The following ZC3HAV1 variants were observed in gnomAD, a reference collection of about 807,000 sequenced individuals.
ZC3HAV1 encodes the protein zinc finger CCCH-type containing, antiviral 1.
In ZC3HAV1, 41 loss-of-function variants were observed where a neutral mutation model predicts 86.6. The ratio of observed to expected loss-of-function variants is 0.47; its 90% confidence interval spans 0.37 to 0.61. The LOEUF (loss-of-function observed/expected upper bound fraction) is 0.61. Among genes scored for constraint, ZC3HAV1 ranks in the 20% least tolerant of loss-of-function variants. ZC3HAV1 has a pLI of 0.00. For missense variants in ZC3HAV1, 964 were observed against 1,141.1 expected (o/e 0.84, Z 2.24); for synonymous variants, 421 against 432.1 (o/e 0.97, Z 0.32).
Position 139,055,223 on chromosome 7 carries a change from T to G in ZC3HAV1, c.2169A>C (p.Leu723=). The stretch of plus-strand genomic sequence containing the variant: ...CAAGTACCTTATATTTCTTTGAGGA[T>G]AGGAAGCAAAAGTCCTCCTGAGGAC... ...TFRPQEDFCF[L]SSKKYKLSEI... The change falls in exon 10 of 13, where the codon CTA becomes CTC. Residue 723 remains leucine, a synonymous_variant. Transcript: ENST00000242351. 6.2e-7 allele frequency: 1 copy of G among 1,613,072 alleles called. No homozygotes were observed. The highest frequency in any genetic ancestry group is 8.5e-7 in the Non-Finnish European group (1 of 1,179,418).
chr7:139,086,742 C>T (rs1584864000), intron 2 of ZC3HAV1, among the ~76,000 whole-genome samples: 1 of 152,178 alleles, frequency 6.6e-6, no homozygotes, highest in East Asian at 1.9e-4. Context: ...TACTCCCATT[C>T]TACTGTTCTC....
At position 139,075,459 on chromosome 7, in the gene ZC3HAV1, G is replaced by C. The variant is rs548438076; in HGVS notation, c.1697+827C>G. Among the ~76,000 whole-genome samples the C allele has an allele frequency of 2.0e-5, 3 of 152,240 alleles. No individual in the cohort carries two copies. The East Asian group carries it at 5.8e-4, about 29-fold the overall frequency. The stretch of plus-strand genomic sequence containing the variant: ...TTTACTTATTTATTTTTGAGACAGG[G>C]TCTCACTCTGTCACCCAGGCTGGAG... On this transcript the variant is annotated intron_variant, in intron 6 of 12. Transcript: ENST00000242351.
At chr7:139,081,563 A>G (rs1411908463) in intron 3 of ZC3HAV1, among the ~76,000 whole-genome samples, 2 of 152,134 alleles carry the variant, frequency 1.3e-5, no homozygotes, top group Non-Finnish European at 2.9e-5. Context: ...CAGAACATGC[A>G]CTCTGCTACT....
Position 139,079,939 on chromosome 7 carries a change from G to T in ZC3HAV1, c.1002C>A (p.Gly334=). The T allele has an allele frequency of 6.2e-7, 1 of 1,614,202 alleles. No individual in the cohort carries two copies. Among genetic ancestry groups the T allele is most frequent in the Non-Finnish European group, 8.5e-7 (1 of 1,180,036 alleles). ...AGTSQRFLEN[G]SQEDLLHGNP... Reference sequence around the variant, plus strand: ...TTCCATGCAAGAGGTCCTCTTGACTGCCGTTCTCTAAAAACCTCTGGCTTG... The same window carrying T: ...TTCCATGCAAGAGGTCCTCTTGACTTCCGTTCTCTAAAAACCTCTGGCTTG... The change falls in exon 4 of 13, where the codon GGC becomes GGA. Residue 334 remains glycine, a synonymous_variant. Coordinates refer to ENST00000242351, the MANE Select transcript of ZC3HAV1 (RefSeq NM_020119.4).
intron 3 of ZC3HAV1, among the ~76,000 whole-genome samples, chr7:139,081,519 T>A (rs1817128367): frequency 6.6e-6 from 1 of 152,208 alleles, no homozygotes; most frequent in South Asian, 2.1e-4. Flanking sequence ...CAGAGGGAAC[T>A]GTAGTGAGAG....
chr7:139,097,990 G>T (rs2130731759), intron 1 of ZC3HAV1, among the ~76,000 whole-genome samples: 1 of 151,932 alleles, frequency 6.6e-6, no homozygotes, highest in Non-Finnish European at 1.5e-5. Context: ...TGTCGCCCAG[G>T]TTGGAGGGCA....
In ZC3HAV1 at chr7:139,053,960, C is replaced by T; in HGVS notation, c.2318+5G>A. The stretch of plus-strand genomic sequence containing the variant: ...GTAAAGAAACACGATAACGTGGCCA[C>T]CAACCATGTAAATTTATCCAGGAGC... On this transcript the variant is annotated splice_donor_5th_base_variant and intron_variant, in intron 11 of 12. Coordinates refer to ENST00000242351, the MANE Select transcript of ZC3HAV1 (RefSeq NM_020119.4). The T allele has an allele frequency of 2.5e-6, 4 of 1,602,942 alleles. No homozygotes were observed. The highest frequency in any genetic ancestry group is 3.4e-6 in the Non-Finnish European group (4 of 1,177,454).
chr7:139,089,656 G>A lies in ZC3HAV1; in HGVS notation c.412C>T (p.Leu138Phe), dbSNP rs940302061. Residue 138 changes from leucine to phenylalanine, a missense_variant, in exon 2 of 13, where the codon CTC (leucine) becomes TTC (phenylalanine). Physicochemically the swap from Leu to Phe is conservative, Grantham distance 22 (BLOSUM62 0). Transcript: ENST00000242351. ...ATAAAAAAAGGATCACTTTGGAGGA[G>A]GAGCACTGCTAATTCCTCTTTGTTC... ...GLNKEELAVL[L>F]LQSDPFFMPE... is the part of the protein sequence containing the mutation. 1.2e-6 allele frequency: 2 copies of A among 1,611,702 alleles called. No individual in the cohort carries two copies. Among genetic ancestry groups the A allele is most frequent in the Admixed American group, 3.4e-5 (2 of 59,610 alleles).
intron 9 of ZC3HAV1, among the ~76,000 whole-genome samples, chr7:139,058,313 G>T (rs1415341332): frequency 6.6e-6 from 1 of 151,916 alleles, no homozygotes; most frequent in Non-Finnish European, 1.5e-5. Flanking sequence ...AATTAGTCAG[G>T]TGTAGCGGTG....
chr7:139,083,994 A>G lies in ZC3HAV1; in HGVS notation c.483T>C (p.Ile161=). The G allele has an allele frequency of 6.2e-7, 1 of 1,614,080 alleles. No individual in the cohort carries two copies. Among genetic ancestry groups the G allele is most frequent in the Non-Finnish European group, 8.5e-7 (1 of 1,180,014 alleles). Residue 161 remains isoleucine (I), a synonymous_variant, in exon 3 of 13, where the codon ATT becomes ATC. Coordinates refer to ENST00000242351, the MANE Select transcript of ZC3HAV1 (RefSeq NM_020119.4). ...KSYKGEGRQQ[I]CNQQPPCSRL... is the part of the protein sequence containing the mutation. ...TTGAACACGGTGGCTGCTGGTTACA[A>G]ATCTGCTGCCGACCCTCTCCCTTAT...
Position 139,108,388 on chromosome 7 carries a change from C to A in ZC3HAV1, c.308+636G>T, listed in dbSNP as rs559701104. On this transcript the variant is annotated intron_variant, in intron 1 of 12. Coordinates refer to ENST00000242351, the MANE Select transcript of ZC3HAV1 (RefSeq NM_020119.4). This position sits in a 1 kb window ranked among gnomAD's most constrained non-coding sequence, Gnocchi z 4.2. ...GCAGGCGGTCAACTGCGCGCGCCAC[C>A]GTAGAGAGACCACCCGGAGGGAAGG... Among the ~76,000 whole-genome samples the A allele has an allele frequency of 6.6e-6, 1 of 152,212 alleles. No individual in the cohort carries two copies. Among genetic ancestry groups the A allele is most frequent in the African/African-American group, 2.4e-5 (1 of 41,530 alleles).
intron 7 of ZC3HAV1, among the ~76,000 whole-genome samples, chr7:139,069,578 C>T (rs950071972): frequency 6.6e-6 from 1 of 152,204 alleles, no homozygotes; most frequent in Admixed American, 6.5e-5. Flanking sequence ...CCTGCTATCA[C>T]TCTACCCTAC....
intron 6 of ZC3HAV1, 150 bp downstream of exon 6, chr7:139,076,136 C>A: frequency 7.8e-7 from 1 of 1,286,394 alleles, no homozygotes; most frequent in Non-Finnish European, 1.1e-6. Flanking sequence ...ACTCGGCAGG[C>A]ATTTGCCATT....
At chr7:139,102,442 A>T (rs1407528495) in intron 1 of ZC3HAV1, among the ~76,000 whole-genome samples, 1 of 152,192 alleles carries the variant, frequency 6.6e-6, no homozygotes, top group Non-Finnish European at 1.5e-5. Flanking sequence ...AATTTTAATA[A>T]TAAGAAGATC....
chr7:139,057,181 C>T (rs979463908), intron 9 of ZC3HAV1, among the ~76,000 whole-genome samples: 1 of 152,002 alleles, frequency 6.6e-6, no homozygotes, highest in African/African-American at 2.4e-5. Context: ...GGATCCCCCT[C>T]CCCATCTCTA....
At chr7:139,079,129 T>C (rs774401129) in intron 4 of ZC3HAV1, 56 of 1,536,164 alleles carry the variant, frequency 3.6e-5, no homozygotes, top group Non-Finnish European at 4.7e-5. Flanking sequence ...TTGTCTTCCT[T>C]GTGAGCTCGC....
At chr7:139,071,243 C>T (rs958118793) in intron 7 of ZC3HAV1, among the ~76,000 whole-genome samples, 2 of 151,744 alleles carry the variant, frequency 1.3e-5, no homozygotes, top group Non-Finnish European at 1.5e-5. Flanking sequence ...ATTACAGGTG[C>T]ACGCCACCAA....
chr7:139,076,418 A>G lies in ZC3HAV1; in HGVS notation c.1574-9T>C. On this transcript the variant is annotated splice_polypyrimidine_tract_variant and intron_variant, in intron 5 of 12. Coordinates refer to ENST00000242351, the MANE Select transcript of ZC3HAV1 (RefSeq NM_020119.4). Reference sequence around the variant, plus strand: ...GACTTTGCTGCAGCTACCTACAAAGACAAAGAAGGGGTCTGAGGGACTGTT... The same window carrying G: ...GACTTTGCTGCAGCTACCTACAAAGGCAAAGAAGGGGTCTGAGGGACTGTT... 1 of 1,613,900 alleles carries G rather than the reference A, an allele frequency of 6.2e-7. No homozygotes were observed. Among genetic ancestry groups the G allele is most frequent in the Non-Finnish European group, 8.5e-7 (1 of 1,179,928 alleles).
intron 7 of ZC3HAV1, among the ~76,000 whole-genome samples, chr7:139,065,547 G>C (rs749552494): frequency 3.9e-5 from 6 of 152,106 alleles, no homozygotes; most frequent in Non-Finnish European, 8.8e-5. Context: ...AAAATTGGCC[G>C]AGCCTCCTGC....
Sources: allele counts gnomAD v4.1 joint callset (sites outside exome capture counted in the v4.1 genomes callset), GRCh38; gene constraint gnomAD v4.1.1; non-coding constraint Gnocchi (gnomAD v3.1); transcripts MANE v1.5; gene names NCBI Gene and HGNC (gene_info 2026-07-23, HGNC 2026-07-21).